Variants in DLGAP1 observed in about 807,000 individuals in gnomAD.
DLGAP1 encodes the protein disks large-associated protein 1.
In DLGAP1, 11 loss-of-function variants were observed where a neutral mutation model predicts 90.8. The observed-to-expected ratio is 0.12, with a 90% CI of 0.08 to 0.20. The LOEUF (loss-of-function observed/expected upper bound fraction) is 0.20, where lower values mean the gene tolerates loss of function less well. Ranked by LOEUF, DLGAP1 falls within the 10% of genes least tolerant of loss-of-function variation. DLGAP1 has a pLI of 1.00. For missense variants in DLGAP1, 1,050 were observed against 1,333.8 expected (o/e 0.79, Z 3.31); for synonymous variants, 558 against 540.7 (o/e 1.03, Z -0.44).
At chr18:3,945,486 G>A (rs150415355) in intron 3 of DLGAP1, among the ~76,000 whole-genome samples, 83 of 152,264 alleles carry the variant, frequency 5.5e-4, no homozygotes, top group Non-Finnish European at 1.0e-3. Context: ...TGAGTGGTAC[G>A]ATTGGTTCTA....
At chr18:3,615,009 C>A (rs1246494486) in intron 7 of DLGAP1, among the ~76,000 whole-genome samples, 1 of 28 alleles carries the variant, frequency 0.036, no homozygotes, top group African/African-American at 0.25. Flanking sequence ...GCAACCTCCG[C>A]CTCCAGGTTC....
chr18:3,981,097 C>G (rs559496093), intron 3 of DLGAP1, among the ~76,000 whole-genome samples: 6 of 152,120 alleles, frequency 3.9e-5, no homozygotes, highest in African/African-American at 1.4e-4. Flanking sequence ...CTTCAAAATG[C>G]GAGAGAATTT....
At chr18:3,520,650 C>G (rs2051126476) in intron 10 of DLGAP1, among the ~76,000 whole-genome samples, 1 of 152,154 alleles carries the variant, frequency 6.6e-6, no homozygotes, top group Non-Finnish European at 1.5e-5. Context: ...GGAGAGCGAC[C>G]TGAGGGGAAA....
intron 7 of DLGAP1, chr18:3,597,705 A>G (rs1032657873): frequency 1.1e-4 from 18 of 160,344 alleles, no homozygotes; most frequent in African/African-American, 4.3e-4. Context: ...GAGCTTTTGC[A>G]CAAGGCCGGC....
chr18:4,204,541 G>A (rs1015008155), intron 1 of DLGAP1, among the ~76,000 whole-genome samples: 6 of 149,984 alleles, frequency 4.0e-5, no homozygotes, highest in East Asian at 1.9e-4. Flanking sequence ...TTTTCTGACC[G>A]CAGTGCATCA....
chr18:4,049,663 C>T (rs533031687), intron 2 of DLGAP1, among the ~76,000 whole-genome samples: 1 of 152,284 alleles, frequency 6.6e-6, no homozygotes, highest in East Asian at 1.9e-4. Flanking sequence ...CTTGTCAGTT[C>T]CTGTCTCCAG....
At chr18:3,520,374 C>T (rs2051104518) in intron 10 of DLGAP1, among the ~76,000 whole-genome samples, 1 of 152,170 alleles carries the variant, frequency 6.6e-6, no homozygotes, top group South Asian at 2.1e-4. Flanking sequence ...CTCATGGTCC[C>T]CTCCAGCTAA....
chr18:4,120,529 TAGAC>T (rs1427387703), intron 2 of DLGAP1, among the ~76,000 whole-genome samples: 3 of 152,198 alleles, frequency 2.0e-5, no homozygotes, highest in African/African-American at 7.2e-5. Context: ...GAAGCAATGA[TAGAC>T]AGGTAAGAAC....
At chr18:4,384,533 C>A (rs938412072) in intron 1 of DLGAP1, among the ~76,000 whole-genome samples, 7 of 152,114 alleles carry the variant, frequency 4.6e-5, no homozygotes, top group Middle Eastern at 3.4e-3. Context: ...CAGGTTGAAC[C>A]TTTTAAGAGC....
chr18:4,010,225 T>C (rs993723128), intron 2 of DLGAP1, among the ~76,000 whole-genome samples: 2 of 152,110 alleles, frequency 1.3e-5, no homozygotes, highest in Admixed American at 1.3e-4. Flanking sequence ...GGCAACACAA[T>C]AAAATAAAAG....
At position 4,418,220 on chromosome 18, in the gene DLGAP1, C is replaced by A. The variant is rs183900782; in HGVS notation, c.-267+36786G>T. ...AGCAGAGGGAAAGGCATGTCCACTA[C>A]TAGGCAGAAAAAACTGTTAACTTCA... is the stretch of plus-strand genomic sequence containing the variant. On this transcript the variant is annotated intron_variant, in intron 1 of 12. Transcript: ENST00000315677. Among the ~76,000 whole-genome samples, 393 of 152,226 alleles carry A rather than the reference C, an allele frequency of 2.6e-3. 2 individuals are homozygous for A. Among genetic ancestry groups the A allele is most frequent in the Non-Finnish European group, 3.6e-3 (243 of 68,006 alleles).
At chr18:3,644,829 T>C (rs557691843) in intron 7 of DLGAP1, among the ~76,000 whole-genome samples, 1 of 152,258 alleles carries the variant, frequency 6.6e-6, no homozygotes, top group East Asian at 1.9e-4. Context: ...TAGAATACTA[T>C]GTAGCTGCAA....
At chr18:4,188,411 G>A (rs761296466) in intron 1 of DLGAP1, among the ~76,000 whole-genome samples, 25 of 152,006 alleles carry the variant, frequency 1.6e-4, no homozygotes, top group South Asian at 4.1e-4. Context: ...CTATCAACCC[G>A]TCATCTTAAG....
chr18:3,562,730 C>T (rs535013998), intron 9 of DLGAP1, among the ~76,000 whole-genome samples: 1 of 148,666 alleles, frequency 6.7e-6, no homozygotes, highest in African/African-American at 2.5e-5. Context: ...TTTTTTGAGA[C>T]TAAGTCTCGC....
chr18:4,174,611 G>A (rs996513377), intron 1 of DLGAP1, among the ~76,000 whole-genome samples: 2 of 152,112 alleles, frequency 1.3e-5, no homozygotes, highest in African/African-American at 4.8e-5. Flanking sequence ...GGGATTACAG[G>A]CATGAGCCAC....
At chr18:3,906,171 G>A (rs2071902093) in intron 3 of DLGAP1, among the ~76,000 whole-genome samples, 1 of 152,126 alleles carries the variant, frequency 6.6e-6, no homozygotes, top group African/African-American at 2.4e-5. Flanking sequence ...CTTTATAGTA[G>A]AAAAGAACTG....
chr18:3,549,651 A>G (rs1168483721), intron 9 of DLGAP1, among the ~76,000 whole-genome samples: 1 of 151,878 alleles, frequency 6.6e-6, no homozygotes, highest in South Asian at 2.1e-4. Context: ...ACACACACAC[A>G]TACATGCACT....
At chr18:4,012,893 G>A (rs904709749) in intron 2 of DLGAP1, among the ~76,000 whole-genome samples, 2 of 152,008 alleles carry the variant, frequency 1.3e-5, no homozygotes, top group East Asian at 3.9e-4. Flanking sequence ...TATAGAGACA[G>A]GGGGTCTCAT....
At chr18:3,929,119 C>T (rs368283615) in intron 3 of DLGAP1, among the ~76,000 whole-genome samples, 47 of 152,276 alleles carry the variant, frequency 3.1e-4, no homozygotes, top group African/African-American at 1.1e-3. Context: ...GCCAGCTAAA[C>T]CTCTTTTTCT....
Sources: allele counts gnomAD v4.1 joint callset (sites outside exome capture counted in the v4.1 genomes callset), GRCh38; gene constraint gnomAD v4.1.1; transcripts MANE v1.5; gene names NCBI Gene and HGNC (gene_info 2026-07-23, HGNC 2026-07-21).